The following SLC35F1 variants were observed in gnomAD, a reference collection of about 807,000 sequenced individuals.
The protein encoded by SLC35F1 is solute carrier family 35 member F1, also known as chromosome 6 open reading frame 169.
SLC35F1 carries 14 observed loss-of-function variants against 48.7 expected under a neutral mutation model. That is an observed-to-expected ratio of 0.29 (90% CI 0.19 to 0.45). The LOEUF (loss-of-function observed/expected upper bound fraction) is 0.45, where lower values mean the gene tolerates loss of function less well. Ranked by LOEUF, SLC35F1 falls within the 20% of genes least tolerant of loss-of-function variation. The pLI, the probability that SLC35F1 is intolerant of heterozygous loss-of-function variation, is 1.00. For missense variants in SLC35F1, 404 were observed against 500.0 expected, an observed-to-expected ratio of 0.81 and a Z score of 1.83; for synonymous variants, 190 against 202.2, an observed-to-expected ratio of 0.94 and a Z score of 0.51.
intron 7 of SLC35F1, among the ~76,000 whole-genome samples, chr6:118,302,179 TG>T (rs1208842090): frequency 1.3e-5 from 2 of 152,162 alleles, no homozygotes; most frequent in African/African-American, 4.8e-5. Context: ...TAATAGTTTA[TG>T]GTTTTCACTA....
intron 3 of SLC35F1, among the ~76,000 whole-genome samples, chr6:118,245,841 T>C (rs905079739): frequency 2.0e-5 from 3 of 152,178 alleles, no homozygotes; most frequent in Non-Finnish European, 4.4e-5. Flanking sequence ...AAAAACCTGG[T>C]GCTTTTTTTT....
At position 118,317,431 on chromosome 6, in the gene SLC35F1, TC is replaced by T. The variant is rs1486100571; in HGVS notation, c.*3183del. ...TTTTTGATTTATAACTATTTAGTAG[TC>T]CCCAGCTAGCTACCAGTACAGATTT... On this transcript the variant is annotated 3_prime_UTR_variant, in exon 8 of 8. Transcript: ENST00000360388. 1 of 152,192 alleles carries T rather than the reference TC, an allele frequency of 6.6e-6. No homozygotes were observed. Among genetic ancestry groups the T allele is most frequent in the Non-Finnish European group, 1.5e-5 (1 of 68,038 alleles). The allele number at this position is 152,192 out of a possible 1,614,324, so 9.4% of individuals were successfully genotyped here.
At chr6:118,137,575 T>C (rs567830366) in intron 1 of SLC35F1, among the ~76,000 whole-genome samples, 3 of 152,284 alleles carry the variant, frequency 2.0e-5, no homozygotes, top group African/African-American at 4.8e-5. Flanking sequence ...TCTTAACTTA[T>C]CAAAGTGCAC....
intron 2 of SLC35F1, among the ~76,000 whole-genome samples, chr6:118,167,618 A>G (rs1334011951): frequency 1.3e-5 from 2 of 152,204 alleles, no homozygotes; most frequent in Admixed American, 6.5e-5. Context: ...ACCTATATAG[A>G]GCAGTTACTA....
At chr6:118,275,642 A>T (rs749202091) in intron 5 of SLC35F1, 27 bp downstream of exon 5, 1 of 1,607,732 alleles carries the variant, frequency 6.2e-7, no homozygotes, top group Non-Finnish European at 8.5e-7. Context: ...AGAAATATAG[A>T]TAGTAGAGGG....
chr6:118,144,355 C>T (rs150745962), intron 1 of SLC35F1, among the ~76,000 whole-genome samples: 2,910 of 151,852 alleles, frequency 0.019, 93 homozygotes, highest in African/African-American at 0.063. Flanking sequence ...CCAAACACAG[C>T]ATGTTCTCAC....
chr6:118,123,974 T>C (rs1336575525), intron 1 of SLC35F1, among the ~76,000 whole-genome samples: 1 of 152,126 alleles, frequency 6.6e-6, no homozygotes, highest in African/African-American at 2.4e-5. Context: ...CACAGCAAAT[T>C]GGCTTCCACA....
chr6:118,164,413 A>C (rs1582705325), intron 2 of SLC35F1, among the ~76,000 whole-genome samples: 1 of 152,200 alleles, frequency 6.6e-6, no homozygotes, highest in South Asian at 2.1e-4. Context: ...AACTAAATTA[A>C]AATATTATTT....
chr6:117,971,775 A>G (rs1776642695), intron 1 of SLC35F1, among the ~76,000 whole-genome samples: 1 of 152,252 alleles, frequency 6.6e-6, no homozygotes, highest in Admixed American at 6.5e-5. Context: ...CTAGAGCTAT[A>G]GCAGCTGGGA....
At chr6:118,183,435 A>C (rs1160090038) in intron 2 of SLC35F1, among the ~76,000 whole-genome samples, 6 of 152,166 alleles carry the variant, frequency 3.9e-5, no homozygotes, top group Admixed American at 2.6e-4. Context: ...GCACATGTAT[A>C]CATATGTAAC....
rs1562314778 is a variant in SLC35F1, at chr6:118,173,396, CAAAAAACA to C, written c.349+18783_349+18790del. Among the ~76,000 whole-genome samples, 198 of 110,822 alleles carry C rather than the reference CAAAAAACA, an allele frequency of 1.8e-3. 3 individuals are homozygous for C. The highest frequency in any genetic ancestry group is 0.014 in the African/African-American group (193 of 13,588). The allele number at this position is 110,822 out of a possible 152,430, so 72.7% of individuals were successfully genotyped here. On this transcript the variant is annotated intron_variant, in intron 2 of 7. Transcript: ENST00000360388. The stretch of plus-strand genomic sequence containing the variant: ...TAGAAAGAGTTAGTTAAAAAAAAAA[CAAAAAACA>C]AAAAAAAAACAGCCAAAACTTTAGG...
chr6:118,270,797 A>T (rs1160456675), intron 4 of SLC35F1, among the ~76,000 whole-genome samples: 2 of 152,216 alleles, frequency 1.3e-5, no homozygotes, highest in African/African-American at 2.4e-5. Context: ...GTGTGTAAAA[A>T]TGACTTAGTA....
At chr6:118,091,528 C>T (rs1206470928) in intron 1 of SLC35F1, among the ~76,000 whole-genome samples, 1 of 152,196 alleles carries the variant, frequency 6.6e-6, no homozygotes, top group Non-Finnish European at 1.5e-5. Context: ...GAGGCCTCCT[C>T]AGTTATGTGG....
chr6:118,213,936 T>C (rs558304336), intron 2 of SLC35F1, among the ~76,000 whole-genome samples: 11 of 152,312 alleles, frequency 7.2e-5, no homozygotes, highest in African/African-American at 2.6e-4. Context: ...GTGTTTTACT[T>C]TTTAATTTTA....
chr6:117,948,100 G>C (rs899952707), intron 1 of SLC35F1, among the ~76,000 whole-genome samples: 2 of 152,138 alleles, frequency 1.3e-5, no homozygotes, highest in Non-Finnish European at 2.9e-5. Context: ...TGACATTCAA[G>C]GAATCTGAAA....
intron 2 of SLC35F1, among the ~76,000 whole-genome samples, chr6:118,178,028 T>A (rs2114505658): frequency 6.6e-6 from 1 of 152,230 alleles, no homozygotes; most frequent in African/African-American, 2.4e-5. Context: ...GAGGTTTGGA[T>A]GTTCTACTCC....
chr6:118,062,406 T>G (rs1772553999), intron 1 of SLC35F1, among the ~76,000 whole-genome samples: 1 of 152,218 alleles, frequency 6.6e-6, no homozygotes, highest in Non-Finnish European at 1.5e-5. Context: ...TATATAGATT[T>G]ATGGGGTACA....
chr6:117,911,634 C>T (rs943743146), intron 1 of SLC35F1, among the ~76,000 whole-genome samples: 5 of 151,886 alleles, frequency 3.3e-5, no homozygotes, highest in Non-Finnish European at 5.9e-5. Context: ...TTAGTAGAAT[C>T]GAGGTCTCGT....
intron 1 of SLC35F1, among the ~76,000 whole-genome samples, chr6:118,065,062 T>C (rs1018146239): frequency 6.6e-6 from 1 of 152,164 alleles, no homozygotes; most frequent in Non-Finnish European, 1.5e-5. Flanking sequence ...AATCCTAAAT[T>C]ATTGCATGAT....
Sources: gnomAD v4.1 joint callset for allele counts (sites outside exome capture counted in the v4.1 genomes callset) on GRCh38, gnomAD v4.1.1 for gene constraint, MANE v1.5 for transcripts, NCBI Gene and HGNC (gene_info 2026-07-23, HGNC 2026-07-21) for gene names.